TTC7A: variants seen among roughly 807,000 people sequenced by gnomAD.
TTC7A encodes the protein tetratricopeptide repeat protein 7A.
TTC7A carries 110 observed loss-of-function variants against 103.7 expected under a neutral mutation model. The ratio of observed to expected loss-of-function variants is 1.06; its 90% confidence interval spans 0.91 to 1.24. TTC7A has a LOEUF of 1.24. TTC7A is among the 50% of genes most tolerant of loss of function. The probability of loss-of-function intolerance (pLI) is 0.00; values close to 1 mark genes in which losing one functional copy is unlikely to be tolerated. For synonymous variants in TTC7A, 521 were observed against 467.9 expected, an observed-to-expected ratio of 1.11 and a Z score of -1.47; for missense variants, 1,340 against 1,116.3, an observed-to-expected ratio of 1.20 and a Z score of -2.86.
At chr2:47,045,509 T>G (rs936922116) in intron 15 of TTC7A, 1 of 152,282 alleles carries the variant, frequency 6.6e-6, no homozygotes, top group Non-Finnish European at 1.5e-5. Flanking sequence ...CACACTGGTC[T>G]TACCTCAGAG....
rs139750901 is a variant in TTC7A, at chr2:47,071,799, C to A, written c.2356-1903C>A. Among the ~76,000 whole-genome samples, 775 of 152,334 alleles carry A rather than the reference C, an allele frequency of 5.1e-3. 7 individuals are homozygous for A. Among genetic ancestry groups the A allele is most frequent in the African/African-American group, 0.018 (744 of 41,574 alleles). The stretch of plus-strand genomic sequence containing the variant: ...CCCCTTCCCAAACACCCACATACTT[C>A]TTGATATCAGGGGTTTTCAGACTTG... On this transcript the variant is annotated intron_variant, in intron 19 of 19. Transcript: ENST00000319190.
chr2:46,964,789 T>C (rs1672695345), intron 3 of TTC7A, among the ~76,000 whole-genome samples: 1 of 152,186 alleles, frequency 6.6e-6, no homozygotes, highest in Non-Finnish European at 1.5e-5. Context: ...TCTCTAGCAC[T>C]AGCTCAGTGT....
chr2:46,988,193 C>T (rs556130583), intron 5 of TTC7A, among the ~76,000 whole-genome samples: 1 of 152,280 alleles, frequency 6.6e-6, no homozygotes, highest in East Asian at 1.9e-4. Flanking sequence ...ACCTTCCCCA[C>T]CCCCATCCCC....
intron 4 of TTC7A, 83 bp from the exon 5 acceptor site, chr2:46,978,709 G>A: frequency 2.9e-6 from 3 of 1,047,506 alleles, no homozygotes; most frequent in Non-Finnish European, 4.4e-6. Flanking sequence ...GACTGGGATG[G>A]TGATGAGGCC....
chr2:47,005,233 A>G (rs1411832560), intron 8 of TTC7A, among the ~76,000 whole-genome samples: 5 of 149,914 alleles, frequency 3.3e-5, no homozygotes, highest in South Asian at 2.2e-4. Flanking sequence ...AGAGGAAGGG[A>G]GGGGGGGGCT....
In TTC7A at chr2:46,993,513, T is replaced by G. The variant is rs1351854683; in HGVS notation, c.828T>G (p.Thr276=). Residue 276 remains threonine, a synonymous_variant, in exon 6 of 20, where the codon ACT becomes ACG. Transcript: ENST00000319190. ...TGCGGACTGTGGAGACCAAAGCAAC[T>G]CAGAACTTCAAAGTGGTAATGTGGG... ...EVLRTVETKA[T]QNFKVMAAKH... 8.1e-6 allele frequency: 13 copies of G among 1,613,924 alleles called. No individual in the cohort carries two copies. The highest frequency in any genetic ancestry group is 1.1e-5 in the Non-Finnish European group (13 of 1,180,012).
At position 46,974,851 on chromosome 2, in the gene TTC7A, C is replaced by A. The variant is rs1673704743; in HGVS notation, c.518-122C>A. 4 of 1,381,896 alleles carry A rather than the reference C, an allele frequency of 2.9e-6. 1 individual carries two copies. The highest frequency in any genetic ancestry group is 4.0e-5 in the Admixed American group (2 of 49,394). 85.6% of individuals were successfully genotyped at this position (1,381,896 alleles called of 1,614,324 possible). On this transcript the variant is annotated intron_variant, in intron 3 of 19. Transcript: ENST00000319190. ...CCTCCCTCCCCTCCGCAGACCTCCG[C>A]CTCCTCCTGGCTGCACCAGAGTGTC...
At chr2:47,054,441 C>G (rs972108742) in intron 18 of TTC7A, among the ~76,000 whole-genome samples, 2 of 152,174 alleles carry the variant, frequency 1.3e-5, no homozygotes, top group African/African-American at 4.8e-5. Context: ...GCACACATCA[C>G]CTCCCCTCAT....
intron 15 of TTC7A, among the ~76,000 whole-genome samples, chr2:47,035,918 G>C (rs55829028): frequency 0.095 from 14,403 of 152,284 alleles, 723 homozygotes; most frequent in Non-Finnish European, 0.11. Context: ...ACAGGGCAGA[G>C]AGACCAAGGC....
Position 46,920,965 on chromosome 2 carries a change from A to G in TTC7A, c.82+3688A>G, listed in dbSNP as rs1669073406. On this transcript the variant is annotated intron_variant, in intron 2 of 20. Coordinates refer to the TTC7A transcript ENST00000409245. Reference sequence around the variant, plus strand: ...AGGCATCTGACAAAATTTAATCCCTATTCATGATAAAAAAAAAAAAAACTT... The same window carrying G: ...AGGCATCTGACAAAATTTAATCCCTGTTCATGATAAAAAAAAAAAAAACTT... 2.0e-5 allele frequency among the ~76,000 whole-genome samples: 3 copies of G among 148,514 alleles called. No homozygotes were observed. In the South Asian group the frequency reaches 6.3e-4, roughly 31 times the overall value.
At chr2:47,069,051 C>T (rs1684436744) in intron 19 of TTC7A, among the ~76,000 whole-genome samples, 1 of 152,070 alleles carries the variant, frequency 6.6e-6, no homozygotes, top group Non-Finnish European at 1.5e-5. Flanking sequence ...CACGGGGACT[C>T]ACTTCTAGAA....
At chr2:47,018,965 G>A (rs1370790173) in intron 11 of TTC7A, among the ~76,000 whole-genome samples, 2 of 152,170 alleles carry the variant, frequency 1.3e-5, no homozygotes, top group African/African-American at 2.4e-5. Flanking sequence ...TGCATGAAGT[G>A]CCTACTCATG....
At chr2:46,962,357 T>A (rs2104082859) in intron 3 of TTC7A, among the ~76,000 whole-genome samples, 1 of 152,280 alleles carries the variant, frequency 6.6e-6, no homozygotes, top group East Asian at 1.9e-4. Context: ...CTCAGCTCAG[T>A]ATGCACGTCC....
intron 2 of TTC7A, among the ~76,000 whole-genome samples, chr2:46,933,277 TG>T (rs1435419439): frequency 1.3e-5 from 2 of 152,192 alleles, no homozygotes; most frequent in African/African-American, 4.8e-5. Context: ...GGAGAGATAT[TG>T]GTATCTCAAT....
intron 8 of TTC7A, among the ~76,000 whole-genome samples, chr2:47,000,221 T>G (rs1336887095): frequency 6.6e-6 from 1 of 151,448 alleles, no homozygotes; most frequent in Non-Finnish European, 1.5e-5. Flanking sequence ...CAGGTCTGAT[T>G]GGGAGATAAA....
At chr2:46,995,606 G>A (rs17540157) in intron 8 of TTC7A, among the ~76,000 whole-genome samples, 1 of 152,098 alleles carries the variant, frequency 6.6e-6, no homozygotes, top group Non-Finnish European at 1.5e-5. Context: ...ATGGAATCAG[G>A]TTCCAGTTCT....
chr2:47,070,586 C>T (rs1185463787), intron 19 of TTC7A, among the ~76,000 whole-genome samples: 3 of 152,196 alleles, frequency 2.0e-5, no homozygotes, highest in African/African-American at 7.2e-5. Flanking sequence ...AGTAACTAAG[C>T]GTGACCTTGA....
intron 16 of TTC7A, among the ~76,000 whole-genome samples, chr2:47,048,715 G>C (rs1211420498): frequency 6.6e-6 from 1 of 152,132 alleles, no homozygotes; most frequent in Non-Finnish European, 1.5e-5. Context: ...CAATCCTCCT[G>C]CCTCAGCCTC....
At chr2:47,014,567 C>T (rs1208694768) in intron 11 of TTC7A, among the ~76,000 whole-genome samples, 4 of 147,824 alleles carry the variant, frequency 2.7e-5, no homozygotes, top group Non-Finnish European at 6.1e-5. Context: ...GCCCTGTACT[C>T]TCTGTTCCTG....
Sources: gnomAD v4.1 joint callset for allele counts (sites outside exome capture counted in the v4.1 genomes callset) on GRCh38, gnomAD v4.1.1 for gene constraint, MANE v1.5 for transcripts, NCBI Gene and HGNC (gene_info 2026-07-23, HGNC 2026-07-21) for gene names.